TTC34: variants seen among roughly 807,000 people sequenced by gnomAD.
TTC34 encodes the protein tetratricopeptide repeat protein 34.
A neutral mutation model predicts 40.7 loss-of-function variants in TTC34; 44 were observed. The observed-to-expected ratio is 1.08, with a 90% confidence interval of 0.85 to 1.39. TTC34 has a LOEUF of 1.39. Ranked by LOEUF, TTC34 falls within the 40% of genes most tolerant of loss-of-function variation. The probability of loss-of-function intolerance (pLI) is 0.00; values close to 1 mark genes in which losing one functional copy is unlikely to be tolerated. For missense variants in TTC34, 884 were observed against 838.0 expected, an observed-to-expected ratio of 1.05 and a Z score of -0.68; for synonymous variants, 422 against 398.6, an observed-to-expected ratio of 1.06 and a Z score of -0.70.
intron 6 of TTC34, among the ~76,000 whole-genome samples, chr1:2,691,571 C>G (rs78318828): frequency 5.0e-3 from 327 of 64,988 alleles, no homozygotes; most frequent in Middle Eastern, 0.029. Flanking sequence ...CAGACTGGAA[C>G]AGCACCCACA....
chr1:2,778,183 C>A (rs1643370739), intron 6 of TTC34, among the ~76,000 whole-genome samples: 1 of 152,238 alleles, frequency 6.6e-6, no homozygotes, highest in African/African-American at 2.4e-5. Flanking sequence ...CTCCTGGCCT[C>A]CAGGATTGCT....
chr1:2,756,617 G>A (rs1641514014), intron 6 of TTC34, among the ~76,000 whole-genome samples: 15 of 152,106 alleles, frequency 9.9e-5, no homozygotes, highest in African/African-American at 2.9e-4. Flanking sequence ...GCCTGGAACA[G>A]CACCCACACC....
chr1:2,775,901 G>A (rs1643108902), intron 6 of TTC34: 3 of 134,532 alleles, frequency 2.2e-5, no homozygotes, highest in South Asian at 4.7e-4. Flanking sequence ...CCTGGGGATG[G>A]AAGGTGCCAT....
chr1:2,755,902 A>C, intron 6 of TTC34, among the ~76,000 whole-genome samples: 2 of 76,132 alleles, frequency 2.6e-5, no homozygotes, highest in African/African-American at 2.1e-4. Context: ...CAGCACCCAC[A>C]CCCCCAGGTG....
chr1:2,752,184 C>A (rs1162989992), intron 6 of TTC34, among the ~76,000 whole-genome samples: 1 of 120,548 alleles, frequency 8.3e-6, no homozygotes, highest in Non-Finnish European at 1.7e-5. Context: ...AGGTGAGCAT[C>A]TGACAGCCTG....
chr1:2,757,342 C>A, intron 6 of TTC34, among the ~76,000 whole-genome samples: 1 of 63,078 alleles, frequency 1.6e-5, no homozygotes. Flanking sequence ...TGGAGCAGCA[C>A]CCTACACCCC....
chr1:2,797,758 T>C (rs1318418009), intron 2 of TTC34, among the ~76,000 whole-genome samples: 4 of 151,896 alleles, frequency 2.6e-5, no homozygotes, highest in Non-Finnish European at 4.4e-5. Flanking sequence ...AGGAGCAGTG[T>C]CTCAAACTGG....
chr1:2,749,873 C>G (rs1641260036), intron 6 of TTC34, among the ~76,000 whole-genome samples: 2 of 134,390 alleles, frequency 1.5e-5, no homozygotes, highest in Non-Finnish European at 3.1e-5. Context: ...CAGCCTGGAG[C>G]AGAACCCACA....
chr1:2,753,701 CA>C (rs1641405385), intron 6 of TTC34, among the ~76,000 whole-genome samples: 1 of 76,812 alleles, frequency 1.3e-5, no homozygotes, highest in Non-Finnish European at 2.4e-5. Context: ...CCTGCACCCC[CA>C]GGTGAGCATC....
chr1:2,783,109 C>A (rs1410114102), intron 6 of TTC34, among the ~76,000 whole-genome samples: 2 of 152,208 alleles, frequency 1.3e-5, no homozygotes, highest in African/African-American at 4.8e-5. Flanking sequence ...AGATACCGAA[C>A]TTAAAGAGCA....
chr1:2,638,510 G>GC (rs1459562407), exon 9 of TTC34: 1 of 152,226 alleles, frequency 6.6e-6, no homozygotes, highest in Non-Finnish European at 1.5e-5. Context: ...ATCGTGCAAA[G>GC]CAAGGGCCAC....
intron 8 of TTC34, among the ~76,000 whole-genome samples, chr1:2,643,654 G>A (rs112979687): frequency 1.3e-5 from 2 of 152,196 alleles, no homozygotes; most frequent in Admixed American, 1.3e-4. Flanking sequence ...CTTCAGCTCG[G>A]GGGGGGCAGC....
At chr1:2,789,390 C>T in intron 3 of TTC34, 113 bp downstream of exon 3, 2 of 1,110,400 alleles carry the variant, frequency 1.8e-6, no homozygotes, top group Non-Finnish European at 2.4e-6. Context: ...TGGGAAGTCA[C>T]CAGCCACTGC....
At chr1:2,778,505 G>C (rs116316585) in intron 6 of TTC34, among the ~76,000 whole-genome samples, 3,895 of 152,320 alleles carry the variant, frequency 0.026, 168 homozygotes, top group African/African-American at 0.089. Context: ...AGGGTGGCCA[G>C]CAGATCACAG....
Position 2,645,997 on chromosome 1 carries a change from C to T in TTC34, c.2227-434G>A, listed in dbSNP as rs78478400. Among the ~76,000 whole-genome samples, 3,913 of 152,076 alleles carry T rather than the reference C, an allele frequency of 0.026. 171 individuals are homozygous for T. The highest frequency in any genetic ancestry group is 0.09 in the African/African-American group (3,711 of 41,434). On this transcript the variant is annotated intron_variant, in intron 6 of 8. Coordinates refer to ENST00000401095, the Ensembl canonical transcript of TTC34. The surrounding 1 kb of genome is among the most constrained non-coding windows in gnomAD (Gnocchi z 4.7). ...GGGACGCTGGAGCTCCTTGGGTATC[C>T]GGGTGCTGCTCCCAGTGCCTGTGGT...
At chr1:2,769,469 T>A (rs761099863) in intron 6 of TTC34, among the ~76,000 whole-genome samples, 6 of 7,286 alleles carry the variant, frequency 8.2e-4, no homozygotes, top group South Asian at 6.3e-3. Flanking sequence ...ACCCCACACC[T>A]CCAGGGGAGC....
At chr1:2,752,565 C>G (rs1339899796) in intron 6 of TTC34, among the ~76,000 whole-genome samples, 1 of 98,192 alleles carries the variant, frequency 1.0e-5, no homozygotes, top group Non-Finnish European at 1.9e-5. Flanking sequence ...TGGAACAGCA[C>G]CTTGCACCCC....
At chr1:2,775,569 C>A (rs554337367) in intron 6 of TTC34, 2 of 148,244 alleles carry the variant, frequency 1.3e-5, no homozygotes, top group Non-Finnish European at 2.9e-5. Flanking sequence ...GGTGGGCATC[C>A]GATGGCATGG....
At position 2,783,866 on chromosome 1, in the gene TTC34, C is replaced by A. The variant is rs1643531206; in HGVS notation, c.2060-91G>T. The A allele has an allele frequency of 4.0e-6, 5 of 1,253,198 alleles. No homozygotes were observed. The Admixed American group carries it at 1.4e-4, about 34-fold the overall frequency. The allele number at this position is 1,253,198 out of a possible 1,614,324, so 77.6% of individuals were successfully genotyped here. On this transcript the variant is annotated intron_variant, in intron 5 of 8. Coordinates refer to ENST00000401095, the Ensembl canonical transcript of TTC34. ...CCCAGCCCGGGGAGGGCAGAGGGTG[C>A]ATGAGCTTCAGGGCCTACCTTGGGG...
Sources: gnomAD v4.1 joint callset for allele counts (sites outside exome capture counted in the v4.1 genomes callset) on GRCh38, gnomAD v4.1.1 for gene constraint, Gnocchi (gnomAD v3.1) non-coding constraint, MANE v1.5 for transcripts, NCBI Gene and HGNC (gene_info 2026-07-23, HGNC 2026-07-21) for gene names.